TMEM132D: variants seen among roughly 807,000 people sequenced by gnomAD.
The protein encoded by TMEM132D is transmembrane protein 132D, also known as mature OL transmembrane protein.
TMEM132D carries 21 observed loss-of-function variants against 62.3 expected under a neutral mutation model. That is an observed-to-expected ratio of 0.34 (90% confidence interval 0.24 to 0.49). The LOEUF (loss-of-function observed/expected upper bound fraction) is 0.49. Ranked by LOEUF, TMEM132D falls within the 20% of genes least tolerant of loss-of-function variation. The probability of loss-of-function intolerance (pLI) is 0.99; values close to 1 mark genes in which losing one functional copy is unlikely to be tolerated. For missense variants in TMEM132D, 1,346 were observed against 1,402.8 expected (o/e 0.96, Z 0.65); for synonymous variants, 621 against 575.6 (o/e 1.08, Z -1.13).
chr12:129,074,826 C>A lies in TMEM132D; in HGVS notation c.2349G>T (p.Lys783Asn), dbSNP rs1221117636. 5 of 1,614,094 alleles carry A rather than the reference C, an allele frequency of 3.1e-6. No individual in the cohort carries two copies. The part of the protein sequence containing the change: ...ISESCQKSKR[K>N]SVLAVGTANI... ...TTGCCGTTCCAACAGCTAACACACT[C>A]TTCCGCTTGGATTTCTGGCAGGATT... Residue 783 changes from lysine (K) to asparagine (N), a missense_variant, in exon 9 of 9, where the codon AAG becomes AAT. Physicochemically the swap from Lys to Asn is moderately conservative, Grantham distance 94. Transcript: ENST00000422113.
At chr12:129,077,006 G>A (rs978279322) in intron 8 of TMEM132D, among the ~76,000 whole-genome samples, 1 of 152,240 alleles carries the variant, frequency 6.6e-6, no homozygotes, top group African/African-American at 2.4e-5. Flanking sequence ...ATTCGATTCT[G>A]TTATTGGGAT....
chr12:129,543,292 GGGTGGGTGGGTGGATGGATA>G, intron 2 of TMEM132D, among the ~76,000 whole-genome samples: 1 of 119,058 alleles, frequency 8.4e-6, no homozygotes, highest in African/African-American at 3.3e-5. Context: ...GTAAGTGGGT[GGGTGGGTGGGTGGATGGATA>G]GATGGATGGA....
chr12:129,587,840 T>C (rs887677497), intron 2 of TMEM132D, among the ~76,000 whole-genome samples: 1 of 152,164 alleles, frequency 6.6e-6, no homozygotes, highest in Non-Finnish European at 1.5e-5. Flanking sequence ...TATTCTCCTA[T>C]TGATGATATA....
At chr12:129,136,860 T>C (rs1593273091) in intron 5 of TMEM132D, among the ~76,000 whole-genome samples, 1 of 143,068 alleles carries the variant, frequency 7.0e-6, no homozygotes, top group East Asian at 2.2e-4. Flanking sequence ...ATCATTATCA[T>C]CACCACCACC....
intron 3 of TMEM132D, among the ~76,000 whole-genome samples, chr12:129,463,672 T>G (rs1873767402): frequency 6.6e-6 from 1 of 151,354 alleles, no homozygotes; most frequent in Non-Finnish European, 1.5e-5. Context: ...CCCCTTCCTG[T>G]GTCCATGTGT....
chr12:129,250,049 C>G (rs1377259431), intron 4 of TMEM132D, among the ~76,000 whole-genome samples: 3 of 152,116 alleles, frequency 2.0e-5, no homozygotes, highest in Non-Finnish European at 4.4e-5. Flanking sequence ...GCCACCCAGA[C>G]GAGACTCTGC....
At chr12:129,252,755 G>A (rs1000611638) in intron 4 of TMEM132D, among the ~76,000 whole-genome samples, 9 of 151,956 alleles carry the variant, frequency 5.9e-5, no homozygotes, top group Non-Finnish European at 1.0e-4. Context: ...TGTTTATAGC[G>A]GCACTATTCA....
At chr12:129,740,462 G>T (rs1392296519) in intron 1 of TMEM132D, among the ~76,000 whole-genome samples, 1 of 152,062 alleles carries the variant, frequency 6.6e-6, no homozygotes, top group African/African-American at 2.4e-5. Flanking sequence ...GCCTGAAGGT[G>T]GTCATTGTCT....
At chr12:129,499,058 T>C (rs1875047113) in intron 3 of TMEM132D, among the ~76,000 whole-genome samples, 1 of 152,158 alleles carries the variant, frequency 6.6e-6, no homozygotes, top group Non-Finnish European at 1.5e-5. Context: ...GGATTGCCTA[T>C]CATGTGCTCT....
At chr12:129,530,909 T>C in intron 3 of TMEM132D, 150 bp downstream of exon 3, 1 of 783,978 alleles carries the variant, frequency 1.3e-6, no homozygotes, top group Non-Finnish European at 1.9e-6. Context: ...AAAGATTCCA[T>C]TCATCTACCT....
At chr12:129,186,579 T>G (rs1878228475) in intron 5 of TMEM132D, among the ~76,000 whole-genome samples, 1 of 152,208 alleles carries the variant, frequency 6.6e-6, no homozygotes, top group African/African-American at 2.4e-5. Context: ...CGGGCAACCC[T>G]GTGAATCCTG....
Position 129,270,474 on chromosome 12 carries a change from A to G in TMEM132D, c.1300-60811T>C, listed in dbSNP as rs187727901. Among the ~76,000 whole-genome samples, 539 of 152,310 alleles carry G rather than the reference A, an allele frequency of 3.5e-3. 3 individuals are homozygous for G. Among genetic ancestry groups the G allele is most frequent in the African/African-American group, 0.012 (512 of 41,580 alleles). Reference sequence around the variant, plus strand: ...TTAGTGTGTCATGTAATCTTACCACATATTTCCCCTGAAAACAATGCGTGC... The same window carrying G: ...TTAGTGTGTCATGTAATCTTACCACGTATTTCCCCTGAAAACAATGCGTGC... On this transcript the variant is annotated intron_variant, in intron 4 of 8. Transcript: ENST00000422113.
intron 3 of TMEM132D, among the ~76,000 whole-genome samples, chr12:129,426,430 C>A (rs956886357): frequency 4.0e-5 from 6 of 150,088 alleles, no homozygotes; most frequent in Non-Finnish European, 5.9e-5. Flanking sequence ...TGCACACATT[C>A]AGGATTCTGT....
intron 3 of TMEM132D, among the ~76,000 whole-genome samples, chr12:129,381,335 T>C (rs117074778): frequency 0.025 from 3,817 of 152,254 alleles, 67 homozygotes; most frequent in Non-Finnish European, 0.038. Flanking sequence ...AAGAGGGAGA[T>C]TAGGCTCTGA....
intron 3 of TMEM132D, among the ~76,000 whole-genome samples, chr12:129,477,001 C>T (rs1874281901): frequency 6.6e-6 from 1 of 152,190 alleles, no homozygotes; most frequent in African/African-American, 2.4e-5. Context: ...CTCGTTCTTG[C>T]TTGATAATCC....
chr12:129,275,960 G>A (rs1340681160), intron 4 of TMEM132D, among the ~76,000 whole-genome samples: 1 of 152,198 alleles, frequency 6.6e-6, no homozygotes, highest in Admixed American at 6.5e-5. Flanking sequence ...GGGCCATGCT[G>A]CAGTCCAGGC....
intron 5 of TMEM132D, among the ~76,000 whole-genome samples, chr12:129,168,457 C>T (rs924231322): frequency 1.3e-5 from 2 of 152,106 alleles, no homozygotes; most frequent in African/African-American, 4.8e-5. Context: ...CCTGTGGACC[C>T]CTAATTTACT....
intron 3 of TMEM132D, among the ~76,000 whole-genome samples, chr12:129,445,975 C>T (rs758243557): frequency 1.4e-4 from 22 of 151,994 alleles, no homozygotes; most frequent in Admixed American, 5.2e-4. Context: ...GGTGTCCCTG[C>T]AGGGTTACTC....
intron 1 of TMEM132D, among the ~76,000 whole-genome samples, chr12:129,846,647 T>G (rs2078313253): frequency 6.6e-6 from 1 of 152,218 alleles, no homozygotes; most frequent in African/African-American, 2.4e-5. Context: ...TCACTAGCTT[T>G]GGAAAATTCT....
Sources: gnomAD v4.1 joint callset for allele counts (sites outside exome capture counted in the v4.1 genomes callset) on GRCh38, gnomAD v4.1.1 for gene constraint, MANE v1.5 for transcripts, NCBI Gene and HGNC (gene_info 2026-07-23, HGNC 2026-07-21) for gene names.